POU2F2: variants seen among roughly 807,000 people sequenced by gnomAD.
The protein encoded by POU2F2 is POU class 2 homeobox 2, also known as POU domain, class 2, transcription factor 2.
In POU2F2, 14 loss-of-function variants were observed where a neutral mutation model predicts 63.5. That is an observed-to-expected ratio of 0.22 (90% confidence interval 0.15 to 0.34). The LOEUF is 0.34. Ranked by LOEUF, POU2F2 falls within the 10% of genes least tolerant of loss-of-function variation. The probability of loss-of-function intolerance (pLI) is 1.00; values close to 1 mark genes in which losing one functional copy is unlikely to be tolerated. For synonymous variants in POU2F2, 306 were observed against 348.6 expected (o/e 0.88, Z 1.36); for missense variants, 607 against 815.2 (o/e 0.74, Z 3.11).
chr19:42,103,791 C>T lies in POU2F2; in HGVS notation c.370-3970G>A, dbSNP rs553157285. Among the ~76,000 whole-genome samples the T allele has an allele frequency of 1.7e-4, 26 of 152,080 alleles. 1 individual carries two copies. Among genetic ancestry groups the T allele is most frequent in the Admixed American group, 1.6e-3 (24 of 15,266 alleles). On this transcript the variant is annotated intron_variant, in intron 5 of 14. Coordinates refer to ENST00000692977, the MANE Select transcript of POU2F2 (RefSeq NM_001394376.1). ...GGGACTACAGGCGCCCGCCACCACGCCTGGCTAATTTTTTTGTATTTTTAT... is the reference window on the plus strand; with the variant it reads ...GGGACTACAGGCGCCCGCCACCACGTCTGGCTAATTTTTTTGTATTTTTAT...
intron 1 of POU2F2, among the ~76,000 whole-genome samples, chr19:42,181,568 A>G (rs1195553731): frequency 1.5e-5 from 2 of 130,838 alleles, no homozygotes; most frequent in African/African-American, 6.0e-5. Flanking sequence ...GCGTCTGAAC[A>G]TACATTTATT....
At chr19:42,131,664 A>C (rs532802387) in intron 1 of POU2F2, among the ~76,000 whole-genome samples, 1 of 152,224 alleles carries the variant, frequency 6.6e-6, no homozygotes, top group Non-Finnish European at 1.5e-5. Context: ...TTTGGTGGAG[A>C]AGGCATTTAA....
At position 42,156,311 on chromosome 19, in the gene POU2F2, A is replaced by T. The variant is rs1188864590; in HGVS notation, c.-9+4021T>A. On this transcript the variant is annotated intron_variant, in intron 2 of 6. Coordinates refer to the POU2F2 transcript ENST00000524801. This position sits in a 1 kb window ranked among gnomAD's most constrained non-coding sequence, Gnocchi z 4.1. Reference sequence around the variant, plus strand: ...CACCCCATGGCTGACAAATATTCCCAGTCCACAGCTGTCTCCACCCACCCA... The same window carrying T: ...CACCCCATGGCTGACAAATATTCCCTGTCCACAGCTGTCTCCACCCACCCA... The T allele has an allele frequency of 6.6e-6, 1 of 152,374 alleles. No individual in the cohort carries two copies. Among genetic ancestry groups the T allele is most frequent in the Non-Finnish European group, 1.5e-5 (1 of 68,020 alleles). 9.4% of individuals were successfully genotyped at this position (152,374 alleles called of 1,614,324 possible).
intron 1 of POU2F2, among the ~76,000 whole-genome samples, chr19:42,161,688 A>G (rs2034554072): frequency 1.3e-5 from 2 of 152,106 alleles, no homozygotes; most frequent in South Asian, 4.1e-4. Context: ...AAAGGGGGGT[A>G]AAAAGGGCCA....
chr19:42,164,934 C>A (rs1480311123), intron 1 of POU2F2, among the ~76,000 whole-genome samples: 1 of 151,432 alleles, frequency 6.6e-6, no homozygotes, highest in Non-Finnish European at 1.5e-5. Flanking sequence ...TGCACTCCAG[C>A]CTGGGTGACA....
chr19:42,115,463 G>A (rs774740659), intron 5 of POU2F2, among the ~76,000 whole-genome samples: 18 of 152,206 alleles, frequency 1.2e-4, no homozygotes, highest in Non-Finnish European at 2.1e-4. Context: ...TGAGGGAAAC[G>A]CCAGGCTAAG....
chr19:42,138,236 T>C (rs2034058160), intron 2 of POU2F2, among the ~76,000 whole-genome samples: 1 of 152,048 alleles, frequency 6.6e-6, no homozygotes, highest in Admixed American at 6.5e-5. Flanking sequence ...CAATAATTGG[T>C]GATTGGCTGA....
intron 1 of POU2F2, among the ~76,000 whole-genome samples, chr19:42,174,474 A>G (rs1427819828): frequency 6.6e-6 from 1 of 151,974 alleles, no homozygotes; most frequent in Non-Finnish European, 1.5e-5. Flanking sequence ...ATAGCGAGTG[A>G]TACATAAACA....
chr19:42,139,613 T>C (rs2034088205), intron 2 of POU2F2, among the ~76,000 whole-genome samples: 1 of 152,190 alleles, frequency 6.6e-6, no homozygotes, highest in Admixed American at 6.5e-5. Flanking sequence ...CTAATTTTTG[T>C]ATTTTTAGTA....
At chr19:42,141,126 C>A (rs966352541) in intron 2 of POU2F2, among the ~76,000 whole-genome samples, 1 of 152,226 alleles carries the variant, frequency 6.6e-6, no homozygotes, top group African/African-American at 2.4e-5. Context: ...ACTAATTGTA[C>A]TGCACTGAAT....
intron 1 of POU2F2, among the ~76,000 whole-genome samples, chr19:42,193,984 A>T (rs2146829778): frequency 6.6e-6 from 1 of 152,332 alleles, no homozygotes; most frequent in Non-Finnish European, 1.5e-5. Flanking sequence ...CACAAACACA[A>T]CGCTGGGTAA....
intron 4 of POU2F2, among the ~76,000 whole-genome samples, chr19:42,119,609 G>A (rs2146596278): frequency 6.6e-6 from 1 of 152,224 alleles, no homozygotes; most frequent in South Asian, 2.1e-4. Context: ...GGAGGTGGAG[G>A]TGCAGTGAGC....
chr19:42,171,476 T>G (rs1485514380), intron 1 of POU2F2, among the ~76,000 whole-genome samples: 1 of 148,004 alleles, frequency 6.8e-6, no homozygotes, highest in African/African-American at 2.5e-5. Context: ...GTGTGCACTT[T>G]AATGCAGGAG....
chr19:42,131,640 T>C (rs1456418567), intron 1 of POU2F2, among the ~76,000 whole-genome samples: 2 of 152,230 alleles, frequency 1.3e-5, no homozygotes, highest in African/African-American at 4.8e-5. Context: ...CAATGTTCAC[T>C]CAGCCAACTG....
At chr19:42,138,963 A>C (rs1385458305) in intron 2 of POU2F2, among the ~76,000 whole-genome samples, 2 of 152,178 alleles carry the variant, frequency 1.3e-5, no homozygotes, top group East Asian at 3.9e-4. Context: ...CATCCACCAG[A>C]ATTCCCAGTT....
intron 1 of POU2F2, among the ~76,000 whole-genome samples, chr19:42,188,669 CAAAA>C (rs998040622): frequency 2.6e-5 from 1 of 38,166 alleles, no homozygotes. Flanking sequence ...GAGTTCATCT[CAAAA>C]AAAAAAAAAA....
intron 12 of POU2F2, 122 bp downstream of exon 12, chr19:42,093,707 C>T: frequency 1.0e-6 from 1 of 978,780 alleles, no homozygotes; most frequent in Non-Finnish European, 1.5e-6. Flanking sequence ...CCCATTCCCC[C>T]ACCCACACTC....
intron 5 of POU2F2, among the ~76,000 whole-genome samples, chr19:42,106,000 TTTC>T (rs2029866748): frequency 7.6e-5 from 1 of 13,078 alleles, no homozygotes; most frequent in Non-Finnish European, 2.1e-4. Context: ...ATCTTTCTTT[TTTC>T]TTTCTTTCTT....
At chr19:42,138,692 T>C (rs1355780519) in intron 2 of POU2F2, among the ~76,000 whole-genome samples, 1 of 151,850 alleles carries the variant, frequency 6.6e-6, no homozygotes, top group African/African-American at 2.4e-5. Context: ...TGAGGATACA[T>C]ATTCAAGCTG....
Sources: allele counts gnomAD v4.1 joint callset (sites outside exome capture counted in the v4.1 genomes callset), GRCh38; gene constraint gnomAD v4.1.1; non-coding constraint Gnocchi (gnomAD v3.1); transcripts MANE v1.5; gene names NCBI Gene and HGNC (gene_info 2026-07-23, HGNC 2026-07-21).